The following RETREG1 variants were observed in gnomAD, a reference collection of about 807,000 sequenced individuals.
RETREG1 encodes the protein reticulophagy regulator 1.
RETREG1 carries 44 observed loss-of-function variants against 54.8 expected under a neutral mutation model. That is an observed-to-expected ratio of 0.80 (90% confidence interval 0.63 to 1.03). The LOEUF (loss-of-function observed/expected upper bound fraction) is 1.03. Ranked by LOEUF, RETREG1 falls within the 50% of genes least tolerant of loss-of-function variation. The pLI is 0.00. For missense variants in RETREG1, 554 were observed against 605.1 expected (o/e 0.92, Z 0.89); for synonymous variants, 217 against 238.5 (o/e 0.91, Z 0.83).
intron 3 of RETREG1, among the ~76,000 whole-genome samples, chr5:16,517,127 T>G: frequency 6.7e-6 from 1 of 150,338 alleles, no homozygotes; most frequent in African/African-American, 2.5e-5. Context: ...AACAGGAGTC[T>G]TGGAATGAGG....
intron 3 of RETREG1, among the ~76,000 whole-genome samples, chr5:16,525,267 G>T (rs1740673754): frequency 1.0e-5 from 1 of 100,150 alleles, no homozygotes; most frequent in Admixed American, 8.9e-5. Context: ...GGCCCCAACA[G>T]GTGGATGTGC....
At chr5:16,502,098 A>C (rs1344842144) in intron 3 of RETREG1, among the ~76,000 whole-genome samples, 1 of 151,770 alleles carries the variant, frequency 6.6e-6, no homozygotes, top group East Asian at 1.9e-4. Flanking sequence ...CTGGGACTAC[A>C]GGCGCCCGCC....
chr5:16,546,563 A>G (rs574058610), intron 3 of RETREG1, among the ~76,000 whole-genome samples: 31 of 152,372 alleles, frequency 2.0e-4, no homozygotes, highest in Middle Eastern at 3.4e-3. Flanking sequence ...TAGTAGAAAT[A>G]GGAGACACAT....
At chr5:16,510,925 C>T (rs556953629) in intron 3 of RETREG1, among the ~76,000 whole-genome samples, 1 of 150,902 alleles carries the variant, frequency 6.6e-6, no homozygotes, top group East Asian at 1.9e-4. Context: ...TTTTCTTTCT[C>T]CTGAGCTTCT....
chr5:16,552,159 C>A (rs1344946414), intron 3 of RETREG1, among the ~76,000 whole-genome samples: 2 of 152,206 alleles, frequency 1.3e-5, no homozygotes, highest in Admixed American at 1.3e-4. Context: ...CCCAAACACA[C>A]AATGGTGTGG....
intron 1 of RETREG1, among the ~76,000 whole-genome samples, chr5:16,603,303 T>C (rs1743095778): frequency 6.6e-6 from 1 of 152,216 alleles, no homozygotes. Context: ...ATAAGTATTA[T>C]ATACCCAGAG....
At chr5:16,580,389 C>A (rs953095584) in intron 1 of RETREG1, among the ~76,000 whole-genome samples, 6 of 152,226 alleles carry the variant, frequency 3.9e-5, no homozygotes, top group African/African-American at 1.4e-4. Flanking sequence ...CTTGCTGACG[C>A]CTCCAGCATT....
intron 3 of RETREG1, among the ~76,000 whole-genome samples, chr5:16,520,949 G>T (rs1460616752): frequency 6.6e-6 from 1 of 152,118 alleles, no homozygotes; most frequent in African/African-American, 2.4e-5. Flanking sequence ...TGACAGCTTA[G>T]GAAGGCCAGA....
chr5:16,474,669 C>CTTTTTTTTTTTTTTTTTTTTT lies in RETREG1; in HGVS notation c.*71_*72insAAAAAAAAAAAAAAAAAAAAA. 7.9e-7 allele frequency: 1 copy of CTTTTTTTTTTTTTTTTTTTTT among 1,264,832 alleles called. No individual in the cohort carries two copies. The highest frequency in any genetic ancestry group is 1.7e-5 in the African/African-American group (1 of 60,200). The allele number at this position is 1,264,832 out of a possible 1,614,324, so 78.4% of individuals were successfully genotyped here. ...CTTACAGTTCAATTTTTTTCTTTTC[C>CTTTTTTTTTTTTTTTTTTTTT]TTTTTTTTTTTTTTTTCTTGTTTGA... On this transcript the variant is annotated 3_prime_UTR_variant, in exon 9 of 9. Coordinates refer to ENST00000306320, the MANE Select transcript of RETREG1 (RefSeq NM_001034850.3).
intron 3 of RETREG1, among the ~76,000 whole-genome samples, chr5:16,506,297 G>A (rs1211823040): frequency 1.3e-5 from 2 of 152,192 alleles, no homozygotes; most frequent in East Asian, 3.9e-4. Context: ...AAGCCTCAGT[G>A]TGAGACTCAA....
At chr5:16,544,752 G>A (rs1741343388) in intron 3 of RETREG1, among the ~76,000 whole-genome samples, 1 of 152,130 alleles carries the variant, frequency 6.6e-6, no homozygotes. Flanking sequence ...TCTATTTCTG[G>A]ACTCTCTGCT....
At chr5:16,485,514 A>G (rs1356169919) in intron 3 of RETREG1, among the ~76,000 whole-genome samples, 1 of 152,198 alleles carries the variant, frequency 6.6e-6, no homozygotes. Flanking sequence ...CAGATGCTGG[A>G]ACTTTGTTCT....
Position 16,545,534 on chromosome 5 carries a change from G to A in RETREG1, c.458+20229C>T, listed in dbSNP as rs534636597. On this transcript the variant is annotated intron_variant, in intron 3 of 8. Coordinates refer to ENST00000306320, the MANE Select transcript of RETREG1 (RefSeq NM_001034850.3). ...CAGAAAGCATTCAGCACAGTGCCTG[G>A]CAAATACTAAGCACTAAGAGAGGAC... Among the ~76,000 whole-genome samples the A allele has an allele frequency of 5.1e-4, 78 of 152,246 alleles. 1 individual carries two copies. The highest frequency in any genetic ancestry group is 9.8e-4 in the Non-Finnish European group (67 of 68,030).
At chr5:16,607,261 C>T (rs929792513) in intron 1 of RETREG1, among the ~76,000 whole-genome samples, 1 of 152,026 alleles carries the variant, frequency 6.6e-6, no homozygotes. Context: ...TCTGGGAGAA[C>T]AGGGATCTCA....
intron 3 of RETREG1, among the ~76,000 whole-genome samples, chr5:16,511,305 A>C (rs1740167547): frequency 6.6e-6 from 1 of 152,166 alleles, no homozygotes; most frequent in South Asian, 2.1e-4. Context: ...CCCCACGATC[A>C]AGAGGGTGGG....
At chr5:16,551,177 T>C (rs992069813) in intron 3 of RETREG1, among the ~76,000 whole-genome samples, 2 of 152,164 alleles carry the variant, frequency 1.3e-5, no homozygotes, top group Non-Finnish European at 2.9e-5. Flanking sequence ...ACCAGCAATA[T>C]TTTCCAAACT....
intron 5 of RETREG1, 92 bp from the exon 6 acceptor site, chr5:16,479,079 T>C (rs1036087096): frequency 1.5e-6 from 2 of 1,291,858 alleles, no homozygotes; most frequent in African/African-American, 1.5e-5. Context: ...ATTTCTTTAC[T>C]GAAAAACTTA....
At chr5:16,532,878 A>G (rs1740953445) in intron 3 of RETREG1, among the ~76,000 whole-genome samples, 1 of 152,232 alleles carries the variant, frequency 6.6e-6, no homozygotes, top group African/African-American at 2.4e-5. Flanking sequence ...GCAAATCCCA[A>G]CACAGATGCA....
At chr5:16,601,237 G>A (rs191989143) in intron 1 of RETREG1, among the ~76,000 whole-genome samples, 13 of 152,110 alleles carry the variant, frequency 8.5e-5, no homozygotes, top group African/African-American at 3.1e-4. Context: ...GCATGGTAGT[G>A]TGTACCTGTG....
Sources: allele counts gnomAD v4.1 joint callset (sites outside exome capture counted in the v4.1 genomes callset), GRCh38; gene constraint gnomAD v4.1.1; transcripts MANE v1.5; gene names NCBI Gene and HGNC (gene_info 2026-07-23, HGNC 2026-07-21).